Variants in TTN observed in about 807,000 individuals in gnomAD.
The protein encoded by TTN is titin.
A neutral mutation model predicts 3,223.0 loss-of-function variants in TTN; 1,525 were observed. The ratio of observed to expected loss-of-function variants is 0.47; its 90% CI spans 0.45 to 0.49. The LOEUF (loss-of-function observed/expected upper bound fraction) is 0.49. Among genes scored for constraint, TTN ranks in the 20% least tolerant of loss-of-function variants. TTN has a pLI of 0.00. For synonymous variants in TTN, 14,094 were observed against 15,161.0 expected (o/e 0.93, Z 5.17); for missense variants, 40,786 against 43,424.0 (o/e 0.94, Z 5.40).
At position 178,728,367 on chromosome 2, in the gene TTN, T is replaced by C. The variant is rs1168625867; in HGVS notation, c.19457A>G (p.Lys6486Arg). ...DQNIPPSFTK[K>R]LTKMDKVLGS... ...CAGAACTTTATCCATTTTGGTTAAT[T>C]TTTTGGTGAATGATGGAGGAATATT... is the stretch of plus-strand genomic sequence containing the variant. The change falls in exon 67 of 363, where the codon AAA becomes AGA. Residue 6486 changes from lysine to arginine, a missense_variant. Coordinates refer to ENST00000589042, the MANE Select transcript of TTN (RefSeq NM_001267550.2). 11 of 1,603,148 alleles carry C rather than the reference T, an allele frequency of 6.9e-6. No individual in the cohort carries two copies. Among genetic ancestry groups the C allele is most frequent in the Non-Finnish European group, 9.4e-6 (11 of 1,175,602 alleles).
chr2:178,692,401 A>G (rs919510373), intron 120 of TTN, 96 bp downstream of exon 120: 14 of 1,102,788 alleles, frequency 1.3e-5, no homozygotes, highest in Non-Finnish European at 1.9e-5. Flanking sequence ...TATATTATAG[A>G]TGGTTTACAG....
rs374620001 is a variant in TTN, at chr2:178,771,258, G to A, written c.8069C>T (p.Thr2690Ile). The A allele has an allele frequency of 2.1e-4, 340 of 1,614,082 alleles. No homozygotes were observed. The East Asian group carries it at 5.6e-3, about 27-fold the overall frequency. ...ATKLDDIGEYTYKVATSKTSA... is the reference protein window; with the variant it reads ...ATKLDDIGEYIYKVATSKTSA... ...TGTTTTGGAGGTGGCCACCTTGTAG[G>A]TATATTCTCCAATGTCATCTAATTT... Residue 2690 changes from threonine to isoleucine, a missense_variant, in exon 34 of 363, where the codon ACC becomes ATC. Coordinates refer to ENST00000589042, the MANE Select transcript of TTN (RefSeq NM_001267550.2).
At position 178,728,979 on chromosome 2, in the gene TTN, A is replaced by C; in HGVS notation, c.19059T>G (p.Ser6353Arg). ...ATCTCCCACTGTGTCCATTATCCAC[A>C]CTTCTGATTTGAAGTGTGGCCACAC... ...VDSVATLQIR[S>R]VDNGHSGRYT... is the part of the protein sequence containing the mutation. Residue 6353 changes from serine (S) to arginine (R), a missense_variant, in exon 65 of 363, where the codon AGT becomes AGG. By Grantham distance (110) the Ser-to-Arg change is moderately radical. Coordinates refer to ENST00000589042, the MANE Select transcript of TTN (RefSeq NM_001267550.2). The C allele has an allele frequency of 1.2e-6, 2 of 1,613,160 alleles. No homozygotes were observed. The highest frequency in any genetic ancestry group is 1.7e-6 in the Non-Finnish European group (2 of 1,179,552).
intron 330 of TTN, 114 bp from the exon 331 acceptor site, chr2:178,555,266 A>G: frequency 2.1e-6 from 2 of 934,974 alleles, no homozygotes; most frequent in Non-Finnish European, 3.2e-6. Context: ...CACACACACC[A>G]TCATTATAAT....
chr2:178,608,925 G>T lies in TTN; in HGVS notation c.52103-17C>A. 6.3e-7 allele frequency: 1 copy of T among 1,594,322 alleles called. No homozygotes were observed. The highest frequency in any genetic ancestry group is 1.1e-5 in the South Asian group (1 of 88,074). On this transcript the variant is annotated splice_polypyrimidine_tract_variant and intron_variant, in intron 273 of 362. Coordinates refer to ENST00000589042, the MANE Select transcript of TTN (RefSeq NM_001267550.2). ...CCGGTGTATCTAATATTTCAGAAGAGAACAGTAATCAAAAATTTGTGTGGG... is the reference window on the plus strand; with the variant it reads ...CCGGTGTATCTAATATTTCAGAAGATAACAGTAATCAAAAATTTGTGTGGG...
chr2:178,777,441 A>C lies in TTN; in HGVS notation c.4624T>G (p.Ser1542Ala). ...AQNRAGRSSI[S>A]VILTVEAVEH... ...TTACCTTCCACAGTTAAAATCACTG[A>C]AATTGAAGATCTGCCTGCCCTGTTT... is the stretch of plus-strand genomic sequence containing the variant. Residue 1542 changes from serine to alanine, a missense_variant, in exon 26 of 363, where the codon TCA becomes GCA. Ser to Ala is a moderately conservative substitution (Grantham distance 99, BLOSUM62 1). Transcript: ENST00000589042. 6.2e-7 allele frequency: 1 copy of C among 1,613,820 alleles called. No homozygotes were observed. Among genetic ancestry groups the C allele is most frequent in the Non-Finnish European group, 8.5e-7 (1 of 1,179,880 alleles).
rs771971613 is a variant in TTN, at chr2:178,737,247, C to T, written c.14371+835G>A. The T allele has an allele frequency of 1.1e-4, 17 of 151,552 alleles. 1 individual carries two copies. The highest frequency in any genetic ancestry group is 4.1e-4 in the African/African-American group (17 of 41,360). The allele number at this position is 151,552 out of a possible 1,614,324, so 9.4% of individuals were successfully genotyped here. A position where few individuals can be genotyped will look rare whatever the true frequency, so the allele number is the denominator to read the frequency against. On this transcript the variant is annotated intron_variant, in intron 49 of 362. Transcript: ENST00000589042. ...TGTTAACTATTTGAAAGTCACCCTACATATCAATTAGAAAATTGGGAATAG... is the reference window on the plus strand; with the variant it reads ...TGTTAACTATTTGAAAGTCACCCTATATATCAATTAGAAAATTGGGAATAG...
At chr2:178,794,778 C>G in intron 7 of TTN, 144 bp downstream of exon 7, 1 of 1,176,314 alleles carries the variant, frequency 8.5e-7, no homozygotes, top group Non-Finnish European at 1.2e-6. Context: ...AGCATGACTA[C>G]TGAATTTGGT....
At position 178,636,662 on chromosome 2, in the gene TTN, T is replaced by A. The variant is rs1316196026; in HGVS notation, c.41065A>T (p.Ile13689Phe). The A allele has an allele frequency of 1.1e-5, 17 of 1,613,374 alleles. No homozygotes were observed. The highest frequency in any genetic ancestry group is 1.4e-5 in the Non-Finnish European group (16 of 1,179,546). The change falls in exon 225 of 363, where the codon ATC (isoleucine) becomes TTC (phenylalanine). Residue 13689 changes from isoleucine to phenylalanine, a missense_variant. Physicochemically the swap from Ile to Phe is conservative, Grantham distance 21. Coordinates refer to ENST00000589042, the MANE Select transcript of TTN (RefSeq NM_001267550.2). The surrounding 1 kb of genome is among the most constrained non-coding windows in gnomAD (Gnocchi z 4.3). ...GATTCTGTCAAGATGATGTCTTTGA[T>A]TTCTTTCACAAACTTCAGTGGCACA... ...KAVPLKFVKE[I>F]KDIILTESEF... is the part of the protein sequence containing the mutation.
rs775423429 is a variant in TTN, at chr2:178,557,801, A to G, written c.87553T>C (p.Trp29185Arg). 6.2e-7 allele frequency: 1 copy of G among 1,613,938 alleles called. No individual in the cohort carries two copies. Among genetic ancestry groups the G allele is most frequent in the Non-Finnish European group, 8.5e-7 (1 of 1,179,834 alleles). ...GCAACTGTTGCAGACACTTCAGTCC[A>G]CACTGCAGTACTTGTTTCTCTTTTG... Reference protein sequence around the residue: ...LLKRETSTAVWTEVSATVART... With the variant: ...LLKRETSTAVRTEVSATVART... Residue 29185 changes from tryptophan to arginine, a missense_variant, in exon 328 of 363, where the codon TGG becomes CGG. Coordinates refer to ENST00000589042, the MANE Select transcript of TTN (RefSeq NM_001267550.2).
In TTN at chr2:178,602,455, G is replaced by A; in HGVS notation, c.54947C>T (p.Thr18316Ile). The A allele has an allele frequency of 6.2e-7, 1 of 1,612,400 alleles. No homozygotes were observed. Among genetic ancestry groups the A allele is most frequent in the Non-Finnish European group, 8.5e-7 (1 of 1,179,116 alleles). Residue 18316 changes from threonine to isoleucine, a missense_variant, in exon 283 of 363, where the codon ACT (threonine) becomes ATT (isoleucine). By Grantham distance (89) the Thr-to-Ile change is moderately conservative. Transcript: ENST00000589042. ...TTCATTTACTCTTTTCCAGTCAGTAGTACCTTCTTCTTGCATTTCTACAAT... is the reference window on the plus strand; with the variant it reads ...TTCATTTACTCTTTTCCAGTCAGTAATACCTTCTTCTTGCATTTCTACAAT... The part of the protein sequence containing the change: ...GYIVEMQEEG[T>I]TDWKRVNEPD...
rs1182797999 is a variant in TTN at position 178,640,058 on chromosome 2, C to G, written c.40776G>C (p.Lys13592Asn). ...GATAAGCTTGCTCACCTGCTTCGGG[C>G]TTTGGTTTCGGTTCAGGTGCAGGGA... Reference protein sequence around the residue: ...IPLPAPEPKPKPEAEVKTIKP... With the variant: ...IPLPAPEPKPNPEAEVKTIKP... The change falls in exon 222 of 363, where the codon AAG becomes AAC. Residue 13592 changes from lysine to asparagine, a missense_variant. Coordinates refer to ENST00000589042, the MANE Select transcript of TTN (RefSeq NM_001267550.2). 1 of 1,611,996 alleles carries G rather than the reference C, an allele frequency of 6.2e-7. No individual in the cohort carries two copies. The highest frequency in any genetic ancestry group is 1.3e-5 in the African/African-American group (1 of 74,850).
chr2:178,636,550 A>C lies in TTN; in HGVS notation c.41177T>G (p.Ile13726Ser), dbSNP rs2060465786. The C allele has an allele frequency of 6.2e-7, 1 of 1,613,368 alleles. No homozygotes were observed. ...ITTWMKDGSN[I>S]RESPKHRFIA... Reference sequence around the variant, plus strand: ...AAACCTGTGCTTGGGACTCTCACGGATATTGCTACCGTCTTTCATCCAGGT... The same window carrying C: ...AAACCTGTGCTTGGGACTCTCACGGCTATTGCTACCGTCTTTCATCCAGGT... The change falls in exon 225 of 363, where the codon ATC becomes AGC. Residue 13726 changes from isoleucine to serine, a missense_variant. Ile to Ser is a moderately radical substitution (Grantham distance 142). Coordinates refer to ENST00000589042, the MANE Select transcript of TTN (RefSeq NM_001267550.2). This position sits in a 1 kb window ranked among gnomAD's most constrained non-coding sequence, Gnocchi z 4.3.
rs876657599 is a variant in TTN, at chr2:178,727,102, C to A, written c.20263G>T (p.Val6755Phe). Residue 6755 changes from valine (V) to phenylalanine (F), a missense_variant, in exon 69 of 363, where the codon GTT (valine) becomes TTT (phenylalanine). Val to Phe is a conservative substitution (Grantham distance 50). Transcript: ENST00000589042. ...ACAAGATGTCTACCTTTTACTATAA[C>A]CTTGGTACTGCAGCTTGTGCTGCCA... Reference protein sequence around the residue: ...PAGSTSCSTKVIVKEPPVFSS... With the variant: ...PAGSTSCSTKFIVKEPPVFSS... 2 of 1,570,914 alleles carry A rather than the reference C, an allele frequency of 1.3e-6. No individual in the cohort carries two copies. The highest frequency in any genetic ancestry group is 1.7e-6 in the Non-Finnish European group (2 of 1,155,676).
rs794729467 is a variant in TTN, at chr2:178,591,234, A to T, written c.60491T>A (p.Val20164Glu). ...AGGAACATCAAGAACAGTAAGATGTACGGCTACTGTTTTGCTACCGGCTGC... is the reference window on the plus strand; with the variant it reads ...AGGAACATCAAGAACAGTAAGATGTTCGGCTACTGTTTTGCTACCGGCTGC... ...SNAAGSKTVA[V>E]HLTVLDVPGP... Residue 20164 changes from valine to glutamate, a missense_variant, in exon 304 of 363, where the codon GTA becomes GAA. Transcript: ENST00000589042. 3.7e-6 allele frequency: 6 copies of T among 1,613,294 alleles called. No homozygotes were observed. The African/African-American group carries it at 6.7e-5, about 18-fold the overall frequency.
In TTN at chr2:178,563,590, A is replaced by G. The variant is rs779510131; in HGVS notation, c.82542T>C (p.Val27514=). Residue 27514 remains valine, a synonymous_variant, in exon 326 of 363, where the codon GTT becomes GTC. Transcript: ENST00000589042. This position sits in a 1 kb window ranked among gnomAD's most constrained non-coding sequence, Gnocchi z 4.5. ...YILEKRDKEG[V]RWTKCNKKTL... is the part of the protein sequence containing the mutation. ...TTTTCTTGTTGCACTTGGTCCATCT[A>G]ACGCCTTCCTTATCTCGTTTTTCAA... 1.7e-5 allele frequency: 27 copies of G among 1,613,600 alleles called. No homozygotes were observed. In the East Asian group the frequency reaches 5.8e-4, roughly 35 times the overall value.
In TTN at chr2:178,572,605, A is replaced by G. The variant is rs1477402412; in HGVS notation, c.73527T>C (p.Ser24509=). 2 of 1,613,358 alleles carry G rather than the reference A, an allele frequency of 1.2e-6. No individual in the cohort carries two copies. The highest frequency in any genetic ancestry group is 4.5e-5 in the East Asian group (2 of 44,790). Residue 24509 remains serine, a synonymous_variant, in exon 326 of 363, where the codon TCT becomes TCC. Transcript: ENST00000589042. ...LTVENSSGSK[S]AFVNVRVLDT... ...CGAGAACTCTAACATTGACAAATGC[A>G]GACTTGCTGCCTGAACTATTTTCTA... is the stretch of plus-strand genomic sequence containing the variant.
chr2:178,616,378 T>C, intron 257 of TTN, 101 bp downstream of exon 257: 1 of 1,495,514 alleles, frequency 6.7e-7, no homozygotes, highest in South Asian at 1.2e-5. Flanking sequence ...GAGGTAAAGG[T>C]AAGAAGTTGT....
Position 178,554,946 on chromosome 2 carries a change from G to T in TTN, c.88513C>A (p.Arg29505Ser). Residue 29505 changes from arginine (R) to serine (S), a missense_variant, in exon 331 of 363, where the codon CGC becomes AGC. Physicochemically the swap from Arg to Ser is moderately radical, Grantham distance 110. Coordinates refer to ENST00000589042, the MANE Select transcript of TTN (RefSeq NM_001267550.2). Reference sequence around the variant, plus strand: ...AATTCATAGCATCCACTATTAAGGCGATCGGCATCTTTGATGAGTATAGAT... The same window carrying T: ...AATTCATAGCATCCACTATTAAGGCTATCGGCATCTTTGATGAGTATAGAT... ...LASILIKDADRLNSGCYELKL... is the reference protein window; with the variant it reads ...LASILIKDADSLNSGCYELKL... 1 of 1,613,744 alleles carries T rather than the reference G, an allele frequency of 6.2e-7. No individual in the cohort carries two copies.
Sources: allele counts gnomAD v4.1 joint callset, GRCh38; gene constraint gnomAD v4.1.1; non-coding constraint Gnocchi (gnomAD v3.1); transcripts MANE v1.5; gene names NCBI Gene and HGNC (gene_info 2026-07-23, HGNC 2026-07-21).